USP34: variants seen among roughly 807,000 people sequenced by gnomAD.
USP34 encodes the protein ubiquitin carboxyl-terminal hydrolase 34.
In USP34, 70 loss-of-function variants were observed where a neutral mutation model predicts 460.3. The observed-to-expected ratio is 0.15, with a 90% CI of 0.13 to 0.19. USP34 has a LOEUF of 0.19. Ranked by LOEUF, USP34 falls within the 10% of genes least tolerant of loss-of-function variation. The pLI, the probability that USP34 is intolerant of heterozygous loss-of-function variation, is 1.00. For missense variants in USP34, 3,985 were observed against 4,236.2 expected, an observed-to-expected ratio of 0.94 and a Z score of 1.65; for synonymous variants, 1,647 against 1,405.3, an observed-to-expected ratio of 1.17 and a Z score of -3.85.
At chr2:61,458,660 G>A (rs1428173092) in intron 1 of USP34, among the ~76,000 whole-genome samples, 2 of 145,798 alleles carry the variant, frequency 1.4e-5, no homozygotes, top group African/African-American at 5.0e-5. Flanking sequence ...ACAAGGGAAT[G>A]AAGCTAGCAG....
chr2:61,437,034 A>G (rs1694832873), intron 1 of USP34, among the ~76,000 whole-genome samples: 1 of 152,240 alleles, frequency 6.6e-6, no homozygotes, highest in Non-Finnish European at 1.5e-5. Context: ...TGTGGGATAC[A>G]GCAAAAGCGG....
At chr2:61,307,501 T>G (rs996643609) in intron 27 of USP34, among the ~76,000 whole-genome samples, 1 of 151,902 alleles carries the variant, frequency 6.6e-6, no homozygotes, top group African/African-American at 2.4e-5. Context: ...TAATAAGGAC[T>G]CAATCTCATG....
chr2:61,367,324 G>A (rs10177303), intron 10 of USP34, among the ~76,000 whole-genome samples: 50,855 of 150,516 alleles, frequency 0.34, 8,605 homozygotes, highest in Non-Finnish European at 0.38. Flanking sequence ...ACACACACGC[G>A]CGCGCACACA....
chr2:61,347,815 A>G, intron 15 of USP34, 55 bp downstream of exon 15: 2 of 1,582,488 alleles, frequency 1.3e-6, no homozygotes, highest in Non-Finnish European at 1.7e-6. Flanking sequence ...AATATAGGAT[A>G]TAATACTTCC....
intron 1 of USP34, among the ~76,000 whole-genome samples, chr2:61,439,628 T>C (rs1407265794): frequency 1.3e-5 from 2 of 152,166 alleles, no homozygotes; most frequent in African/African-American, 4.8e-5. Context: ...GACTCCTGTG[T>C]GCTCCAAGAA....
intron 41 of USP34, among the ~76,000 whole-genome samples, chr2:61,268,783 G>A (rs1259226356): frequency 6.6e-6 from 1 of 152,014 alleles, no homozygotes. Context: ...GAGAATTAAT[G>A]AACACTACCA....
chr2:61,289,681 A>T (rs1042256562), intron 33 of USP34, among the ~76,000 whole-genome samples: 4 of 152,198 alleles, frequency 2.6e-5, no homozygotes, highest in Admixed American at 6.5e-5. Context: ...AGACAGCAAG[A>T]TAATTCAGAG....
rs774452335 is a variant in USP34 at position 61,257,089 on chromosome 2, A to G, written c.6011T>C (p.Leu2004Ser). Residue 2004 changes from leucine (L) to serine (S), a missense_variant, in exon 46 of 80, where the codon TTA (leucine) becomes TCA (serine). Physicochemically the swap from Leu to Ser is moderately radical, Grantham distance 145. Transcript: ENST00000398571. ...SPELKNTVKS[L>S]FGGVITNNVV... The stretch of plus-strand genomic sequence containing the variant: ...ATTGTTTGTAATTACACCTCCAAAT[A>G]AACTTTTGACGGTATTTTTCTTTAA... 5.1e-6 allele frequency: 8 copies of G among 1,581,834 alleles called. No homozygotes were observed. In the East Asian group the frequency reaches 6.7e-5, roughly 13 times the overall value.
intron 1 of USP34, among the ~76,000 whole-genome samples, chr2:61,430,892 T>C (rs148170406): frequency 0.011 from 1,620 of 152,172 alleles, 25 homozygotes; most frequent in African/African-American, 0.035. Flanking sequence ...TAATCTCAGC[T>C]ACTTGGGAGG....
At chr2:61,282,971 G>C (rs913846623) in intron 37 of USP34, among the ~76,000 whole-genome samples, 174 bp downstream of exon 37, 2 of 152,082 alleles carry the variant, frequency 1.3e-5, no homozygotes, top group African/African-American at 4.8e-5. Flanking sequence ...ATAGTCAGAA[G>C]TTCTTAAACA....
At chr2:61,363,887 T>A (rs1692348757) in intron 10 of USP34, among the ~76,000 whole-genome samples, 2 of 152,246 alleles carry the variant, frequency 1.3e-5, no homozygotes, top group African/African-American at 4.8e-5. Flanking sequence ...TTTTAATGTT[T>A]GCTATGACAT....
intron 13 of USP34, 128 bp downstream of exon 13, chr2:61,349,122 G>T: frequency 1.7e-6 from 2 of 1,186,916 alleles, no homozygotes; most frequent in South Asian, 1.6e-5. Context: ...ATATGTTAAA[G>T]GTTTACATCT....
At chr2:61,246,523 A>G (rs1688421751) in intron 49 of USP34, 46 bp from the exon 50 acceptor site, 1 of 1,284,450 alleles carries the variant, frequency 7.8e-7, no homozygotes, top group Middle Eastern at 2.5e-4. Context: ...AAACTTCACA[A>G]CAGTTACTTA....
intron 1 of USP34, among the ~76,000 whole-genome samples, 194 bp from the exon 2 acceptor site, chr2:61,421,027 T>TG (rs71405115): frequency 0.026 from 3,917 of 150,320 alleles, 76 homozygotes; most frequent in Non-Finnish European, 0.039. Context: ...ATGTAAGGGG[T>TG]GGGGGGGGCA....
At chr2:61,330,576 G>C (rs1045542833) in intron 20 of USP34, among the ~76,000 whole-genome samples, 6 of 152,122 alleles carry the variant, frequency 3.9e-5, no homozygotes, top group African/African-American at 1.4e-4. Context: ...TTCAATCACA[G>C]TGTGACTCCT....
chr2:61,208,981 G>A lies in USP34; in HGVS notation c.8841-4C>T. On this transcript the variant is annotated splice_region_variant and splice_polypyrimidine_tract_variant and intron_variant, in intron 69 of 79. Transcript: ENST00000398571. ...TTCTAATAGTATTCTGAAGGCACTA[G>A]AAGAAAACATAAAGTTCAGTTTGAG... 6.4e-7 allele frequency: 1 copy of A among 1,556,304 alleles called. No homozygotes were observed. The highest frequency in any genetic ancestry group is 1.4e-5 in the African/African-American group (1 of 73,106).
At chr2:61,349,000 C>T in intron 13 of USP34, 114 bp from the exon 14 acceptor site, 1 of 1,230,834 alleles carries the variant, frequency 8.1e-7, no homozygotes, top group Non-Finnish European at 1.1e-6. Context: ...TGCTAAGTAG[C>T]CAAAAATAAA....
intron 1 of USP34, among the ~76,000 whole-genome samples, chr2:61,444,791 G>A (rs139676633): frequency 5.3e-5 from 8 of 152,022 alleles, no homozygotes; most frequent in Non-Finnish European, 8.8e-5. Context: ...ATATATACCT[G>A]GCAGGTGTCC....
chr2:61,297,829 G>GC (rs1690082325), intron 29 of USP34, among the ~76,000 whole-genome samples: 1 of 151,968 alleles, frequency 6.6e-6, no homozygotes, highest in Admixed American at 6.6e-5. Flanking sequence ...TGCAACCTCC[G>GC]CCTCCCGGGT....
Sources: gnomAD v4.1 joint callset for allele counts (sites outside exome capture counted in the v4.1 genomes callset) on GRCh38, gnomAD v4.1.1 for gene constraint, MANE v1.5 for transcripts, NCBI Gene and HGNC (gene_info 2026-07-23, HGNC 2026-07-21) for gene names.